Variants in DCC observed in about 807,000 individuals in gnomAD.
DCC encodes DCC netrin 1 receptor.
In DCC, 58 loss-of-function variants were observed where a neutral mutation model predicts 172.5. The observed-to-expected ratio is 0.34, with a 90% confidence interval of 0.27 to 0.42. The LOEUF (loss-of-function observed/expected upper bound fraction) is 0.42, where lower values mean the gene tolerates loss of function less well. DCC is among the 10% of genes least tolerant of loss of function. DCC has a pLI of 1.00. For missense variants in DCC, 1,740 were observed against 1,791.0 expected, an observed-to-expected ratio of 0.97 and a Z score of 0.51; for synonymous variants, 709 against 644.5, an observed-to-expected ratio of 1.10 and a Z score of -1.52.
At chr18:52,945,103 C>T (rs2040520738) in intron 5 of DCC, among the ~76,000 whole-genome samples, 1 of 152,160 alleles carries the variant, frequency 6.6e-6, no homozygotes, top group Non-Finnish European at 1.5e-5. Flanking sequence ...AGACCAGTCA[C>T]ACATTCCTGC....
At chr18:52,846,016 T>C (rs1356369370) in intron 2 of DCC, among the ~76,000 whole-genome samples, 1 of 152,216 alleles carries the variant, frequency 6.6e-6, no homozygotes, top group Non-Finnish European at 1.5e-5. Flanking sequence ...CTCAGTCTAA[T>C]GTTCTTCCAG....
At chr18:53,333,656 AT>A (rs2057557893) in intron 14 of DCC, among the ~76,000 whole-genome samples, 1 of 152,192 alleles carries the variant, frequency 6.6e-6, no homozygotes, top group Non-Finnish European at 1.5e-5. Flanking sequence ...GAGAGAGATC[AT>A]TTATGGCCTT....
chr18:53,200,772 G>T (rs1256635918), intron 9 of DCC, among the ~76,000 whole-genome samples: 1 of 152,132 alleles, frequency 6.6e-6, no homozygotes, highest in East Asian at 1.9e-4. Flanking sequence ...AGGTAAGGCT[G>T]TGCATGACCT....
intron 7 of DCC, among the ~76,000 whole-genome samples, chr18:53,089,455 G>A (rs1000112610): frequency 6.6e-6 from 1 of 151,708 alleles, no homozygotes; most frequent in Admixed American, 6.6e-5. Context: ...CATTGTCTAT[G>A]GAAAAAGAAG....
intron 12 of DCC, among the ~76,000 whole-genome samples, chr18:53,229,982 G>T (rs1322091197): frequency 6.6e-6 from 1 of 152,074 alleles, no homozygotes; most frequent in African/African-American, 2.4e-5. Flanking sequence ...TATTCTACCT[G>T]GCTATCTTGT....
chr18:53,029,624 TA>T (rs572128379), intron 5 of DCC, among the ~76,000 whole-genome samples: 32 of 151,990 alleles, frequency 2.1e-4, no homozygotes, highest in African/African-American at 7.5e-4. Flanking sequence ...GTCTTTTTTT[TA>T]TCTTTGTATA....
intron 22 of DCC, among the ~76,000 whole-genome samples, chr18:53,447,456 A>G (rs1370127837): frequency 1.3e-5 from 2 of 152,212 alleles, no homozygotes; most frequent in Non-Finnish European, 2.9e-5. Flanking sequence ...GGCAAATGAC[A>G]TCAATATAAT....
At chr18:52,845,771 A>G (rs753194986) in intron 2 of DCC, among the ~76,000 whole-genome samples, 7 of 152,250 alleles carry the variant, frequency 4.6e-5, no homozygotes, top group Non-Finnish European at 7.3e-5. Flanking sequence ...GGATCAGGGC[A>G]CACTCAGAAA....
At chr18:52,475,042 A>G (rs995171105) in intron 1 of DCC, among the ~76,000 whole-genome samples, 1 of 152,186 alleles carries the variant, frequency 6.6e-6, no homozygotes, top group Non-Finnish European at 1.5e-5. Context: ...ACTGATCATA[A>G]TTTCAGTCAT....
At chr18:53,468,671 C>G (rs1387144224) in intron 25 of DCC, among the ~76,000 whole-genome samples, 1 of 152,158 alleles carries the variant, frequency 6.6e-6, no homozygotes, top group African/African-American at 2.4e-5. Context: ...GCATAAGCTA[C>G]TGCACCCATC....
chr18:52,738,529 G>A (rs1183406563), intron 1 of DCC, among the ~76,000 whole-genome samples: 1 of 152,100 alleles, frequency 6.6e-6, no homozygotes, highest in Non-Finnish European at 1.5e-5. Flanking sequence ...TACCATGAAT[G>A]GAGCTTGCAG....
At chr18:52,671,019 A>C (rs2035542370) in intron 1 of DCC, among the ~76,000 whole-genome samples, 1 of 152,132 alleles carries the variant, frequency 6.6e-6, no homozygotes, top group Non-Finnish European at 1.5e-5. Flanking sequence ...TTGACATCGG[A>C]GTTTTTTCCC....
chr18:52,564,678 G>GC (rs1174173466), intron 1 of DCC, among the ~76,000 whole-genome samples: 2 of 121,118 alleles, frequency 1.7e-5, no homozygotes, highest in Admixed American at 8.7e-5. Context: ...GGGGGGGGGG[G>GC]TGTTAAAATG....
intron 7 of DCC, among the ~76,000 whole-genome samples, chr18:53,069,002 T>C (rs2042615055): frequency 6.6e-6 from 1 of 152,008 alleles, no homozygotes; most frequent in African/African-American, 2.4e-5. Flanking sequence ...TCTCTGGCAG[T>C]GCTGAGACAA....
At chr18:52,714,835 T>C (rs1433592079) in intron 1 of DCC, among the ~76,000 whole-genome samples, 1 of 152,226 alleles carries the variant, frequency 6.6e-6, no homozygotes, top group African/African-American at 2.4e-5. Flanking sequence ...ATGTTACGGA[T>C]ATAAAAGATG....
chr18:52,656,582 GA>G lies in DCC; in HGVS notation c.92-95467del, dbSNP rs568522132. On this transcript the variant is annotated intron_variant, in intron 1 of 28. Transcript: ENST00000442544. ...CATCACATATTATGTGACATGTGAAGAAAAAGAGAAGTGGGAAGTGGTATCC... is the reference window on the plus strand; with the variant it reads ...CATCACATATTATGTGACATGTGAAGAAAAGAGAAGTGGGAAGTGGTATCC... 1.1e-4 allele frequency among the ~76,000 whole-genome samples: 17 copies of G among 152,270 alleles called. No individual in the cohort carries two copies. The East Asian group carries it at 3.1e-3, about 28-fold the overall frequency.
intron 25 of DCC, among the ~76,000 whole-genome samples, chr18:53,470,801 C>T (rs1053724740): frequency 9.2e-5 from 14 of 152,160 alleles, no homozygotes; most frequent in Non-Finnish European, 2.9e-5. Context: ...CTCACCATCA[C>T]GAGGATCATG....
At chr18:52,412,340 G>A (rs574327306) in intron 1 of DCC, among the ~76,000 whole-genome samples, 1 of 152,170 alleles carries the variant, frequency 6.6e-6, no homozygotes. Context: ...CGGAGGATAT[G>A]AGGTAAATAA....
At chr18:52,951,562 C>T (rs998936755) in intron 5 of DCC, among the ~76,000 whole-genome samples, 3 of 152,238 alleles carry the variant, frequency 2.0e-5, no homozygotes, top group Non-Finnish European at 4.4e-5. Context: ...TGTTAGTTTG[C>T]TGAGAATGAT....
Sources: allele counts gnomAD v4.1 joint callset (sites outside exome capture counted in the v4.1 genomes callset), GRCh38; gene constraint gnomAD v4.1.1; transcripts MANE v1.5; gene names NCBI Gene and HGNC (gene_info 2026-07-23, HGNC 2026-07-21).